The following ZNRF1 variants were observed in gnomAD, a reference collection of about 807,000 sequenced individuals.
The protein encoded by ZNRF1 is E3 ubiquitin-protein ligase ZNRF1.
ZNRF1 carries 3 observed loss-of-function variants against 18.4 expected under a neutral mutation model. The ratio of observed to expected loss-of-function variants is 0.16; its 90% CI spans 0.07 to 0.42. The LOEUF is 0.42. Ranked by LOEUF, ZNRF1 falls within the 10% of genes least tolerant of loss-of-function variation. The pLI, the probability that ZNRF1 is intolerant of heterozygous loss-of-function variation, is 0.99. For synonymous variants in ZNRF1, 157 were observed against 144.2 expected, an observed-to-expected ratio of 1.09 and a Z score of -0.64; for missense variants, 310 against 329.8, an observed-to-expected ratio of 0.94 and a Z score of 0.47.
intron 1 of ZNRF1, among the ~76,000 whole-genome samples, chr16:75,086,336 A>T (rs887619860): frequency 1.3e-5 from 2 of 152,218 alleles, no homozygotes; most frequent in African/African-American, 4.8e-5. Context: ...ATGTCTGCTT[A>T]TGAGAAATTT....
chr16:75,081,805 A>G (rs878891), intron 1 of ZNRF1, among the ~76,000 whole-genome samples: 110,610 of 152,122 alleles, frequency 0.73, 43,019 homozygotes, highest in Non-Finnish European at 0.87. Flanking sequence ...CACCAAGAGG[A>G]AGAGGATCTC....
chr16:75,014,914 T>A (rs1230705383), intron 1 of ZNRF1, among the ~76,000 whole-genome samples: 1 of 152,088 alleles, frequency 6.6e-6, no homozygotes, highest in African/African-American at 2.4e-5. Context: ...ATTAATGTAT[T>A]AATATTGTAT....
intron 1 of ZNRF1, among the ~76,000 whole-genome samples, chr16:75,035,802 T>C (rs1208765578): frequency 1.3e-5 from 2 of 152,170 alleles, no homozygotes; most frequent in Non-Finnish European, 2.9e-5. Flanking sequence ...CTTCCTGAAA[T>C]TGTGCACATG....
At chr16:75,079,012 A>G (rs183117661) in intron 1 of ZNRF1, among the ~76,000 whole-genome samples, 6 of 152,066 alleles carry the variant, frequency 3.9e-5, no homozygotes, top group Non-Finnish European at 5.9e-5. Flanking sequence ...CTTACTCCCA[A>G]CCTTCTCCTT....
intron 1 of ZNRF1, among the ~76,000 whole-genome samples, chr16:75,051,035 GA>G (rs746889171): frequency 0.052 from 2,585 of 50,130 alleles, 66 homozygotes; most frequent in African/African-American, 0.094. Context: ...GCTACAAAAA[GA>G]AAAAAAAAAA....
chr16:75,050,615 T>A (rs892026042), intron 1 of ZNRF1, among the ~76,000 whole-genome samples: 4 of 151,770 alleles, frequency 2.6e-5, no homozygotes, highest in African/African-American at 9.7e-5. Context: ...ACGCCTGTAA[T>A]CCCAGCACTT....
chr16:75,041,977 C>T (rs1481316978), intron 1 of ZNRF1, among the ~76,000 whole-genome samples: 6 of 152,084 alleles, frequency 3.9e-5, no homozygotes, highest in Non-Finnish European at 8.8e-5. Flanking sequence ...GCCTGGGCAA[C>T]AAGAGCAAAA....
chr16:75,008,618 A>G (rs910504592), intron 1 of ZNRF1, among the ~76,000 whole-genome samples: 1 of 152,192 alleles, frequency 6.6e-6, no homozygotes, highest in Non-Finnish European at 1.5e-5. Flanking sequence ...TCTGTTGAAC[A>G]AAAACGTTCA....
chr16:75,019,121 G>A (rs186162192), intron 1 of ZNRF1, among the ~76,000 whole-genome samples: 2 of 152,258 alleles, frequency 1.3e-5, no homozygotes, highest in East Asian at 3.9e-4. Flanking sequence ...AGCTGAGATG[G>A]TGTCACTGCA....
chr16:75,076,283 A>G lies in ZNRF1; in HGVS notation c.425-17289A>G, dbSNP rs369246434. Among the ~76,000 whole-genome samples, 174 of 152,282 alleles carry G rather than the reference A, an allele frequency of 1.1e-3. 2 individuals carry two copies. The highest frequency in any genetic ancestry group is 4.1e-3 in the African/African-American group (170 of 41,564). On this transcript the variant is annotated intron_variant, in intron 1 of 4. Coordinates refer to ENST00000335325, the MANE Select transcript of ZNRF1 (RefSeq NM_032268.5). ...CTAAGCCCAAACACTTTTGACATCT[A>G]ACTCTATGAATCTCCCTTAGAATGT... is the stretch of plus-strand genomic sequence containing the variant.
chr16:75,051,655 T>A (rs1359893784), intron 1 of ZNRF1, among the ~76,000 whole-genome samples: 1 of 152,126 alleles, frequency 6.6e-6, no homozygotes, highest in Non-Finnish European at 1.5e-5. Flanking sequence ...GTAGCTGGGA[T>A]TACAGGCATG....
intron 1 of ZNRF1, among the ~76,000 whole-genome samples, chr16:75,074,400 G>A (rs936581278): frequency 1.3e-5 from 2 of 152,204 alleles, no homozygotes; most frequent in Admixed American, 6.5e-5. Flanking sequence ...TGCTGCATAA[G>A]TTGGTGTCTA....
intron 1 of ZNRF1, among the ~76,000 whole-genome samples, chr16:75,089,746 G>A (rs956948633): frequency 2.6e-5 from 4 of 152,074 alleles, no homozygotes; most frequent in Non-Finnish European, 5.9e-5. Flanking sequence ...TTGAGTCTCC[G>A]CCTTTTTTTT....
At chr16:75,013,161 A>G (rs1040332250) in intron 1 of ZNRF1, among the ~76,000 whole-genome samples, 9 of 152,204 alleles carry the variant, frequency 5.9e-5, no homozygotes, top group African/African-American at 2.2e-4. Context: ...CAACACTTTC[A>G]TATGACAGCA....
At chr16:75,042,238 T>A (rs1406393204) in intron 1 of ZNRF1, among the ~76,000 whole-genome samples, 2 of 152,200 alleles carry the variant, frequency 1.3e-5, no homozygotes, top group African/African-American at 2.4e-5. Context: ...GCAAACATTT[T>A]TAATTTTGGT....
intron 1 of ZNRF1, among the ~76,000 whole-genome samples, chr16:75,035,505 A>G (rs975426984): frequency 6.6e-6 from 1 of 152,210 alleles, no homozygotes; most frequent in Non-Finnish European, 1.5e-5. Context: ...AAAGAATTCA[A>G]CTGAGGAGCA....
At chr16:75,004,387 G>C (rs1198177668) in intron 1 of ZNRF1, among the ~76,000 whole-genome samples, 1 of 152,154 alleles carries the variant, frequency 6.6e-6, no homozygotes, top group Non-Finnish European at 1.5e-5. Context: ...GTTTGTCTCA[G>C]AGTATGGATT....
intron 1 of ZNRF1, among the ~76,000 whole-genome samples, chr16:75,031,154 C>G (rs1157023014): frequency 5.5e-5 from 8 of 144,596 alleles, no homozygotes; most frequent in Non-Finnish European, 9.0e-5. Context: ...TTTTTTTAGA[C>G]AGAGTCTTGC....
intron 1 of ZNRF1, among the ~76,000 whole-genome samples, chr16:75,076,552 A>T (rs1398359950): frequency 1.3e-5 from 2 of 151,368 alleles, no homozygotes; most frequent in African/African-American, 4.8e-5. Flanking sequence ...GAATGGATAG[A>T]CAGACTGACT....
Sources: allele counts gnomAD v4.1 joint callset (sites outside exome capture counted in the v4.1 genomes callset), GRCh38; gene constraint gnomAD v4.1.1; transcripts MANE v1.5; gene names NCBI Gene and HGNC (gene_info 2026-07-23, HGNC 2026-07-21).